CEP112: variants seen among roughly 807,000 people sequenced by gnomAD.
CEP112 encodes the protein centrosomal protein 112.
A neutral mutation model predicts 153.0 loss-of-function variants in CEP112; 127 were observed. That is an observed-to-expected ratio of 0.83 (90% CI 0.72 to 0.96). The LOEUF (loss-of-function observed/expected upper bound fraction) is 0.96, where lower values mean the gene tolerates loss of function less well. Ranked by LOEUF, CEP112 falls within the 40% of genes least tolerant of loss-of-function variation. CEP112 has a pLI of 0.00. For missense variants in CEP112, 1,089 were observed against 1,101.2 expected (o/e 0.99, Z 0.16); for synonymous variants, 358 against 374.4 (o/e 0.96, Z 0.51).
intron 9 of CEP112, among the ~76,000 whole-genome samples, chr17:66,067,876 T>C (rs2067180402): frequency 6.6e-6 from 1 of 152,102 alleles, no homozygotes; most frequent in Admixed American, 6.6e-5. Context: ...TGGGATAGAA[T>C]ATTCTTCAGC....
At chr17:65,710,868 G>C (rs1287532041) in intron 23 of CEP112, among the ~76,000 whole-genome samples, 1 of 152,154 alleles carries the variant, frequency 6.6e-6, no homozygotes, top group African/African-American at 2.4e-5. Flanking sequence ...TCATGAGCTG[G>C]GCTCCAAAGT....
intron 16 of CEP112, among the ~76,000 whole-genome samples, chr17:66,015,200 G>A (rs1278381373): frequency 6.6e-6 from 1 of 151,996 alleles, no homozygotes; most frequent in African/African-American, 2.4e-5. Context: ...AGTCATTTTG[G>A]TTTTCTTTTA....
At chr17:66,036,445 C>A (rs1173275417) in intron 12 of CEP112, among the ~76,000 whole-genome samples, 1 of 152,134 alleles carries the variant, frequency 6.6e-6, no homozygotes. Flanking sequence ...ATGTAAAATT[C>A]TTGCCCAATA....
intron 23 of CEP112, among the ~76,000 whole-genome samples, chr17:65,707,064 T>C (rs1459158443): frequency 6.6e-6 from 1 of 152,220 alleles, no homozygotes; most frequent in African/African-American, 2.4e-5. Context: ...GTCCACTTCA[T>C]GCCATTTTTA....
chr17:65,886,019 T>C (rs929355874), intron 20 of CEP112, among the ~76,000 whole-genome samples: 1 of 152,234 alleles, frequency 6.6e-6, no homozygotes, highest in African/African-American at 2.4e-5. Flanking sequence ...GCAATGCCTG[T>C]GCTGGGATTA....
At chr17:65,969,053 A>G (rs2062522929) in intron 17 of CEP112, among the ~76,000 whole-genome samples, 2 of 149,032 alleles carry the variant, frequency 1.3e-5, no homozygotes, top group African/African-American at 4.9e-5. Flanking sequence ...AAGACATTAT[A>G]TCAGTTTTTT....
At chr17:65,664,904 T>C (rs1043589290) in intron 24 of CEP112, among the ~76,000 whole-genome samples, 1 of 152,224 alleles carries the variant, frequency 6.6e-6, no homozygotes, top group Non-Finnish European at 1.5e-5. Context: ...GGTACCAGCA[T>C]GGTCTGGTTT....
chr17:66,071,973 T>C (rs1157863209), intron 8 of CEP112, among the ~76,000 whole-genome samples: 2 of 152,188 alleles, frequency 1.3e-5, no homozygotes, highest in African/African-American at 4.8e-5. Flanking sequence ...ATCTAAATTC[T>C]ATTCTTCTGG....
chr17:65,786,517 T>C (rs1223549402), intron 21 of CEP112, among the ~76,000 whole-genome samples: 1 of 152,086 alleles, frequency 6.6e-6, no homozygotes, highest in Non-Finnish European at 1.5e-5. Flanking sequence ...TTCATGTATT[T>C]ATGGGCTACT....
chr17:66,069,223 C>A (rs80041960), intron 9 of CEP112, among the ~76,000 whole-genome samples: 6,363 of 151,862 alleles, frequency 0.042, 169 homozygotes, highest in South Asian at 0.065. Flanking sequence ...ACATTAAATG[C>A]AAAGTTTCCA....
rs542289745 is a variant in CEP112 at position 65,639,057 on chromosome 17, T to A, written c.2800-1869A>T. Among the ~76,000 whole-genome samples the A allele has an allele frequency of 3.3e-5, 5 of 152,294 alleles. No individual in the cohort carries two copies. The South Asian group carries it at 1.0e-3, about 32-fold the overall frequency. On this transcript the variant is annotated intron_variant, in intron 25 of 26. Coordinates refer to ENST00000535342, the MANE Select transcript of CEP112 (RefSeq NM_001199165.4). ...TTTAACCCTTTGTATGTTCCCATTC[T>A]CCTCCACTACTTATTTTTATATGCA...
chr17:65,966,876 A>T (rs1810339135), intron 17 of CEP112, among the ~76,000 whole-genome samples: 1 of 152,212 alleles, frequency 6.6e-6, no homozygotes, highest in Non-Finnish European at 1.5e-5. Flanking sequence ...TATTGGTCTT[A>T]ATATTGAATA....
At chr17:65,795,895 A>T (rs1239117417) in intron 21 of CEP112, among the ~76,000 whole-genome samples, 2 of 152,170 alleles carry the variant, frequency 1.3e-5, no homozygotes, top group African/African-American at 4.8e-5. Flanking sequence ...CTAATCCACA[A>T]AAAATAAGGC....
chr17:65,644,841 A>C (rs2045348154), intron 24 of CEP112, among the ~76,000 whole-genome samples: 1 of 152,188 alleles, frequency 6.6e-6, no homozygotes, highest in South Asian at 2.1e-4. Flanking sequence ...TGAGCCCCTC[A>C]GAACATTTCT....
chr17:66,057,681 C>T (rs2066749426), intron 11 of CEP112, among the ~76,000 whole-genome samples: 1 of 151,754 alleles, frequency 6.6e-6, no homozygotes, highest in Non-Finnish European at 1.5e-5. Context: ...GTGTATCTAA[C>T]ATGTGCTTAT....
intron 17 of CEP112, among the ~76,000 whole-genome samples, chr17:65,967,882 G>A (rs1568306955): frequency 1.8e-5 from 1 of 54,880 alleles, no homozygotes; most frequent in African/African-American, 4.6e-5. Flanking sequence ...TATCCTTAAA[G>A]ATAAAGCAGT....
At chr17:65,993,529 A>G (rs1286358793) in intron 17 of CEP112, among the ~76,000 whole-genome samples, 3 of 152,222 alleles carry the variant, frequency 2.0e-5, no homozygotes, top group Non-Finnish European at 4.4e-5. Context: ...TAGTTACCAA[A>G]AGAAACATAT....
At chr17:65,952,075 G>T (rs1310717495) in intron 18 of CEP112, among the ~76,000 whole-genome samples, 1 of 152,040 alleles carries the variant, frequency 6.6e-6, no homozygotes, top group Non-Finnish European at 1.5e-5. Context: ...TTATTGTTGA[G>T]GTCAAAGAAC....
At chr17:65,779,288 C>T (rs1045301988) in intron 21 of CEP112, among the ~76,000 whole-genome samples, 3 of 152,156 alleles carry the variant, frequency 2.0e-5, no homozygotes, top group Non-Finnish European at 4.4e-5. Flanking sequence ...CTGTCATTTA[C>T]AACACTTCTG....
Sources: allele counts gnomAD v4.1 joint callset (sites outside exome capture counted in the v4.1 genomes callset), GRCh38; gene constraint gnomAD v4.1.1; transcripts MANE v1.5; gene names NCBI Gene and HGNC (gene_info 2026-07-23, HGNC 2026-07-21).